Variants in KIAA1549L observed in about 807,000 individuals in gnomAD.
KIAA1549L encodes the protein UPF0606 protein KIAA1549L.
In KIAA1549L, 88 loss-of-function variants were observed where a neutral mutation model predicts 160.7. The observed-to-expected ratio is 0.55, with a 90% CI of 0.46 to 0.65. The LOEUF is 0.65. Among genes scored for constraint, KIAA1549L ranks in the 30% least tolerant of loss-of-function variants. The probability of loss-of-function intolerance (pLI) is 0.00; values close to 1 mark genes in which losing one functional copy is unlikely to be tolerated. For synonymous variants in KIAA1549L, 950 were observed against 976.7 expected (o/e 0.97, Z 0.51); for missense variants, 2,258 against 2,437.5 (o/e 0.93, Z 1.55).
At chr11:33,516,748 A>G (rs532248395) in intron 1 of KIAA1549L, among the ~76,000 whole-genome samples, 16 of 152,318 alleles carry the variant, frequency 1.1e-4, no homozygotes, top group African/African-American at 3.4e-4. Context: ...AATTTCTCCT[A>G]TGGCTGAAGA....
chr11:33,535,495 A>T (rs1270451386), intron 1 of KIAA1549L, among the ~76,000 whole-genome samples: 1 of 151,934 alleles, frequency 6.6e-6, no homozygotes, highest in African/African-American at 2.4e-5. Flanking sequence ...TGACATGGCG[A>T]AACCCGTCTG....
At chr11:33,537,798 C>G (rs1853926288) in intron 1 of KIAA1549L, among the ~76,000 whole-genome samples, 1 of 152,164 alleles carries the variant, frequency 6.6e-6, no homozygotes, top group African/African-American at 2.4e-5. Flanking sequence ...ACCCCAGGGT[C>G]AGTGACAGGC....
chr11:33,432,531 CTG>C (rs1189050469), intron 1 of KIAA1549L, among the ~76,000 whole-genome samples: 3 of 152,062 alleles, frequency 2.0e-5, no homozygotes, highest in African/African-American at 7.2e-5. Flanking sequence ...ATTTTGTCCT[CTG>C]TAAAGCTGCT....
rs936033260 is a variant in KIAA1549L, at chr11:33,543,578, C to T, written c.2015C>T (p.Ser672Leu). The T allele has an allele frequency of 5.6e-6, 9 of 1,613,854 alleles. No individual in the cohort carries two copies. The highest frequency in any genetic ancestry group is 5.3e-5 in the African/African-American group (4 of 74,902). Residue 672 changes from serine to leucine, a missense_variant, in exon 2 of 21, where the codon TCG (serine) becomes TTG (leucine). Ser to Leu is a moderately radical substitution (Grantham distance 145, BLOSUM62 -2). Around this residue, in one of 6 missense-constraint regions of KIAA1549L, gnomAD observed 287 missense variants for 292.3 expected, o/e 0.98. Transcript: ENST00000658780. Reference protein sequence around the residue: ...PASASKQVRASPSSMDVYDSL... With the variant: ...PASASKQVRALPSSMDVYDSL... ...TCAGCTTCCAAACAGGTGAGAGCAT[C>T]GCCCTCCTCCATGGATGTATATGAT...
intron 16 of KIAA1549L, among the ~76,000 whole-genome samples, chr11:33,622,096 T>C (rs986065465): frequency 2.0e-5 from 3 of 152,178 alleles, no homozygotes; most frequent in Non-Finnish European, 2.9e-5. Context: ...GTTGATTCAT[T>C]GGTGCATCTC....
Position 33,598,897 on chromosome 11 carries a change from A to G in KIAA1549L, c.4829A>G (p.Asn1610Ser). ...KPSSGRRSPQ[N>S]VMAQQKVTKE... is the part of the protein sequence containing the mutation. The stretch of plus-strand genomic sequence containing the variant: ...AGCTCAGGGAGACGCTCACCCCAGA[A>G]TGTAATGGCACAGCAGAAAGTGACA... The change falls in exon 13 of 21, where the codon AAT becomes AGT. Residue 1610 changes from asparagine (N) to serine (S), a missense_variant. Coordinates refer to ENST00000658780, the MANE Select transcript of KIAA1549L (RefSeq NM_012194.3). The G allele has an allele frequency of 6.2e-7, 1 of 1,613,870 alleles. No individual in the cohort carries two copies. Among genetic ancestry groups the G allele is most frequent in the East Asian group, 2.2e-5 (1 of 44,866 alleles).
At position 33,543,763 on chromosome 11, in the gene KIAA1549L, T is replaced by C; in HGVS notation, c.2200T>C (p.Trp734Arg). 6.2e-7 allele frequency: 1 copy of C among 1,614,030 alleles called. No individual in the cohort carries two copies. The highest frequency in any genetic ancestry group is 8.5e-7 in the Non-Finnish European group (1 of 1,179,894). The part of the protein sequence containing the change: ...LNGHTISTTS[W>R]ETHLAPTAPP... Reference sequence around the variant, plus strand: ...TGGACACACAATTAGCACCACAAGTTGGGAAACTCATTTAGCTCCAACAGC... The same window carrying C: ...TGGACACACAATTAGCACCACAAGTCGGGAAACTCATTTAGCTCCAACAGC... The change falls in exon 2 of 21, where the codon TGG (tryptophan) becomes CGG (arginine). Residue 734 changes from tryptophan (W) to arginine (R), a missense_variant. Physicochemically the swap from Trp to Arg is moderately radical, Grantham distance 101 (BLOSUM62 -3). This residue lies in a region of KIAA1549L where 287 missense variants were observed against 292.3 expected (regional missense o/e 0.98). Coordinates refer to ENST00000658780, the MANE Select transcript of KIAA1549L (RefSeq NM_012194.3).
chr11:33,615,467 A>G (rs1850784416), intron 15 of KIAA1549L, among the ~76,000 whole-genome samples: 1 of 152,236 alleles, frequency 6.6e-6, no homozygotes, highest in Admixed American at 6.5e-5. Flanking sequence ...AATATCAACA[A>G]GAAATGAATA....
At chr11:33,608,737 G>T (rs1850571552) in intron 14 of KIAA1549L, among the ~76,000 whole-genome samples, 1 of 152,210 alleles carries the variant, frequency 6.6e-6, no homozygotes, top group African/African-American at 2.4e-5. Context: ...TCCTTGTCCA[G>T]AAATGGATGC....
At chr11:33,621,052 T>G (rs1418467562) in intron 16 of KIAA1549L, among the ~76,000 whole-genome samples, 1 of 152,184 alleles carries the variant, frequency 6.6e-6, no homozygotes, top group African/African-American at 2.4e-5. Context: ...TTCTGCCAGG[T>G]TGGGGAACCT....
intron 1 of KIAA1549L, among the ~76,000 whole-genome samples, chr11:33,440,650 ATCAG>A (rs1851482962): frequency 6.6e-6 from 1 of 152,220 alleles, no homozygotes; most frequent in Non-Finnish European, 1.5e-5. Context: ...AAATTCACTA[ATCAG>A]TCATTGTTTT....
intron 10 of KIAA1549L, among the ~76,000 whole-genome samples, chr11:33,582,735 G>A (rs1407349464): frequency 1.3e-5 from 2 of 152,076 alleles, no homozygotes; most frequent in Admixed American, 1.3e-4. Flanking sequence ...CATTCTTCCT[G>A]CTGCCACTCA....
chr11:33,394,504 A>G (rs1850335181), intron 1 of KIAA1549L, among the ~76,000 whole-genome samples: 1 of 152,228 alleles, frequency 6.6e-6, no homozygotes, highest in South Asian at 2.1e-4. Context: ...AAAAGTCAGG[A>G]TTTCTAGGTT....
chr11:33,445,544 T>C (rs974788105), intron 1 of KIAA1549L, among the ~76,000 whole-genome samples: 4 of 152,338 alleles, frequency 2.6e-5, no homozygotes, highest in African/African-American at 9.6e-5. Flanking sequence ...CCACGAGGTG[T>C]ATAGAGATGA....
chr11:33,666,093 C>T (rs1461726947), intron 20 of KIAA1549L, among the ~76,000 whole-genome samples: 1 of 152,032 alleles, frequency 6.6e-6, no homozygotes, highest in Non-Finnish European at 1.5e-5. Context: ...TGCTTCTGGC[C>T]CCCTCCAAAT....
intron 1 of KIAA1549L, among the ~76,000 whole-genome samples, chr11:33,491,650 A>AT (rs764050111): frequency 5.9e-5 from 9 of 152,164 alleles, no homozygotes; most frequent in African/African-American, 7.2e-5. Flanking sequence ...TTAAGTTTTA[A>AT]TTTTTCTATA....
chr11:33,580,417 TA>T (rs367650073), intron 10 of KIAA1549L, among the ~76,000 whole-genome samples: 1 of 151,104 alleles, frequency 6.6e-6, no homozygotes, highest in Non-Finnish European at 1.5e-5. Context: ...CTACTAAAAA[TA>T]AAAAAATTAG....
intron 1 of KIAA1549L, among the ~76,000 whole-genome samples, chr11:33,410,979 C>T (rs1202151795): frequency 6.6e-6 from 1 of 152,096 alleles, no homozygotes; most frequent in African/African-American, 2.4e-5. Flanking sequence ...GATTTGGCCA[C>T]ACAAGGACCA....
chr11:33,393,616 A>G (rs1392532170), intron 1 of KIAA1549L, among the ~76,000 whole-genome samples: 2 of 152,238 alleles, frequency 1.3e-5, no homozygotes, highest in Non-Finnish European at 2.9e-5. Context: ...GGAGGAAGAT[A>G]CTATAAAGTC....
Sources: allele counts gnomAD v4.1 joint callset (sites outside exome capture counted in the v4.1 genomes callset), GRCh38; gene constraint gnomAD v4.1.1; regional missense constraint gnomAD v4.1.1; transcripts MANE v1.5; gene names NCBI Gene and HGNC (gene_info 2026-07-23, HGNC 2026-07-21).